The following TPD52 variants were observed in gnomAD, a reference collection of about 807,000 sequenced individuals.
The protein encoded by TPD52 is tumor protein D52.
A neutral mutation model predicts 31.3 loss-of-function variants in TPD52; 17 were observed. That is an observed-to-expected ratio of 0.54 (90% CI 0.37 to 0.82). TPD52 has a LOEUF of 0.82. Ranked by LOEUF, TPD52 falls within the 40% of genes least tolerant of loss-of-function variation. The pLI, the probability that TPD52 is intolerant of heterozygous loss-of-function variation, is 0.00. For missense variants in TPD52, 212 were observed against 240.1 expected, an observed-to-expected ratio of 0.88 and a Z score of 0.77; for synonymous variants, 83 against 89.6, an observed-to-expected ratio of 0.93 and a Z score of 0.42.
chr8:80,160,767 C>T (rs1008310776), intron 1 of TPD52, among the ~76,000 whole-genome samples: 6 of 151,702 alleles, frequency 4.0e-5, no homozygotes, highest in East Asian at 3.9e-4. Flanking sequence ...TGGCTGGACA[C>T]GGGCGGTGGC....
intron 3 of TPD52, among the ~76,000 whole-genome samples, chr8:80,052,894 T>G (rs1811510795): frequency 1.3e-5 from 2 of 152,156 alleles, no homozygotes; most frequent in Admixed American, 6.5e-5. Flanking sequence ...ACTCCACATT[T>G]TGAGAGGTTT....
intron 1 of TPD52, among the ~76,000 whole-genome samples, chr8:80,124,172 G>T (rs1386570097): frequency 6.8e-6 from 1 of 146,374 alleles, no homozygotes; most frequent in African/African-American, 2.5e-5. Flanking sequence ...CTCTCTTTTT[G>T]TTTTTTTTTT....
chr8:80,034,020 T>C (rs1441229115), downstream of TPD52, among the ~76,000 whole-genome samples: 1 of 151,804 alleles, frequency 6.6e-6, no homozygotes, highest in Non-Finnish European at 1.5e-5. Context: ...CCTGCCACCA[T>C]CAACATGCCA....
intron 1 of TPD52, among the ~76,000 whole-genome samples, chr8:80,161,732 ATTTT>A (rs869141433): frequency 0.031 from 2,232 of 72,476 alleles, 64 homozygotes; most frequent in African/African-American, 0.084. Flanking sequence ...ATATATATAT[ATTTT>A]TTTTTTTTTC....
chr8:80,098,886 C>T (rs1193390855), intron 1 of TPD52, among the ~76,000 whole-genome samples: 6 of 152,162 alleles, frequency 3.9e-5, no homozygotes, highest in Non-Finnish European at 5.9e-5. Flanking sequence ...CAGCTACCTC[C>T]CTGATCAGTC....
At chr8:80,163,691 G>A (rs1373844102) in intron 1 of TPD52, among the ~76,000 whole-genome samples, 2 of 152,084 alleles carry the variant, frequency 1.3e-5, no homozygotes, top group African/African-American at 4.8e-5. Flanking sequence ...AACAGGCATC[G>A]AAAAGCTTAC....
At chr8:80,076,914 G>A (rs1414011547) in intron 1 of TPD52, among the ~76,000 whole-genome samples, 2 of 152,058 alleles carry the variant, frequency 1.3e-5, no homozygotes, top group African/African-American at 2.4e-5. Flanking sequence ...TGATCTGCCC[G>A]CCTCAGACTC....
At chr8:80,134,286 T>C (rs902894878) in intron 1 of TPD52, among the ~76,000 whole-genome samples, 4 of 152,170 alleles carry the variant, frequency 2.6e-5, no homozygotes, top group Admixed American at 1.3e-4. Flanking sequence ...TCAGAACTGA[T>C]AGTATAGAGA....
Position 80,041,764 on chromosome 8 carries a change from A to G in TPD52, c.504+856T>C, listed in dbSNP as rs1242412967. Among the ~76,000 whole-genome samples the G allele has an allele frequency of 4.6e-5, 7 of 152,234 alleles. No individual in the cohort carries two copies. In the East Asian group the frequency reaches 1.3e-3, roughly 29 times the overall value. Reference sequence around the variant, plus strand: ...ATCATTATAATAAAAAAAATGTCCAACAATTGAGGACTGAACAAATAATAT... The same window carrying G: ...ATCATTATAATAAAAAAAATGTCCAGCAATTGAGGACTGAACAAATAATAT... On this transcript the variant is annotated intron_variant, in intron 7 of 7. Transcript: ENST00000518937.
rs892985298 is a variant in TPD52, at chr8:80,087,949, A to T, written c.20-23356T>A. ...ATTCAATTTAAAATCACAAGGGTAG[A>T]TGCTCTCTTATTTACAAAATTTCTC... On this transcript the variant is annotated intron_variant, in intron 1 of 7. Transcript: ENST00000518937. Among the ~76,000 whole-genome samples the T allele has an allele frequency of 3.9e-5, 6 of 152,236 alleles. No homozygotes were observed. In the East Asian group the frequency reaches 1.2e-3, roughly 29 times the overall value.
intron 2 of TPD52, among the ~76,000 whole-genome samples, chr8:80,057,568 T>A (rs1742264681): frequency 6.6e-6 from 1 of 152,128 alleles, no homozygotes; most frequent in African/African-American, 2.4e-5. Flanking sequence ...AACACAAAAA[T>A]GGAAAACCAA....
intron 1 of TPD52, among the ~76,000 whole-genome samples, chr8:80,088,965 G>T (rs976291322): frequency 6.6e-6 from 1 of 152,212 alleles, no homozygotes. Context: ...AAAGTGCTGG[G>T]ATTACAGGCG....
At chr8:80,137,470 G>A (rs1809515174) in intron 1 of TPD52, among the ~76,000 whole-genome samples, 1 of 151,864 alleles carries the variant, frequency 6.6e-6, no homozygotes, top group Non-Finnish European at 1.5e-5. Context: ...GCAAAGTACA[G>A]AATAATGTGT....
chr8:80,126,837 A>G (rs1586351370), intron 1 of TPD52, among the ~76,000 whole-genome samples: 1 of 152,268 alleles, frequency 6.6e-6, no homozygotes, highest in Middle Eastern at 3.4e-3. Flanking sequence ...TTACAATAGC[A>G]TATCAGGCAG....
chr8:80,166,017 T>A (rs1269720448), intron 1 of TPD52, among the ~76,000 whole-genome samples: 1 of 152,094 alleles, frequency 6.6e-6, no homozygotes, highest in Non-Finnish European at 1.5e-5. Flanking sequence ...AAATGGCCAT[T>A]AAAAATGGAG....
chr8:80,042,157 G>A, intron 7 of TPD52: 1 of 983,182 alleles, frequency 1.0e-6, no homozygotes, highest in South Asian at 4.7e-5. Flanking sequence ...TACTGATACA[G>A]GAAAATGATT....
chr8:80,119,955 G>A, intron 1 of TPD52: 1 of 285,170 alleles, frequency 3.5e-6, no homozygotes, highest in South Asian at 3.1e-5. Flanking sequence ...TAATAATTTG[G>A]GTACTGATGG....
intron 7 of TPD52, chr8:80,042,262 T>G: frequency 2.0e-6 from 2 of 985,460 alleles, no homozygotes; most frequent in South Asian, 9.4e-5. Flanking sequence ...TTGTTTTCTT[T>G]CTTGTGCTTC....
chr8:80,058,897 GA>G (rs1563580460), intron 2 of TPD52, among the ~76,000 whole-genome samples: 1 of 152,072 alleles, frequency 6.6e-6, no homozygotes, highest in Non-Finnish European at 1.5e-5. Context: ...AACTTTGGGC[GA>G]AAAAATGAGT....
Sources: allele counts gnomAD v4.1 joint callset (sites outside exome capture counted in the v4.1 genomes callset), GRCh38; gene constraint gnomAD v4.1.1; transcripts MANE v1.5; gene names NCBI Gene and HGNC (gene_info 2026-07-23, HGNC 2026-07-21).